RAD51B: variants seen among roughly 807,000 people sequenced by gnomAD.
The protein encoded by RAD51B is DNA repair protein RAD51 homolog 2.
Under a neutral mutation model 42.2 loss-of-function variants are expected in RAD51B, and 38 were observed. That is an observed-to-expected ratio of 0.90 (90% CI 0.70 to 1.18). RAD51B has a LOEUF of 1.18. RAD51B is among the 50% of genes most tolerant of loss of function. RAD51B has a pLI of 0.00. For missense variants in RAD51B, 373 were observed against 400.7 expected (o/e 0.93, Z 0.59); for synonymous variants, 154 against 145.2 (o/e 1.06, Z -0.43).
At chr14:68,186,626 A>C (rs1019767159) in intron 7 of RAD51B, among the ~76,000 whole-genome samples, 5 of 152,210 alleles carry the variant, frequency 3.3e-5, no homozygotes, top group African/African-American at 7.2e-5. Context: ...ACTTATTATC[A>C]CTAATCATCA....
intron 7 of RAD51B, among the ~76,000 whole-genome samples, chr14:67,930,024 T>C (rs919390269): frequency 6.6e-6 from 1 of 152,180 alleles, no homozygotes; most frequent in Non-Finnish European, 1.5e-5. Flanking sequence ...CTGCTCACTT[T>C]TGGTTTCCGT....
At chr14:68,047,920 A>G (rs2076328983) in intron 7 of RAD51B, among the ~76,000 whole-genome samples, 1 of 152,166 alleles carries the variant, frequency 6.6e-6, no homozygotes, top group Admixed American at 6.5e-5. Flanking sequence ...TAAAAAATGA[A>G]ATATTTTTAA....
intron 10 of RAD51B, among the ~76,000 whole-genome samples, chr14:68,553,270 A>G (rs1021259085): frequency 3.9e-5 from 6 of 152,216 alleles, no homozygotes; most frequent in Non-Finnish European, 4.4e-5. Context: ...TTCTTTATCC[A>G]TAAATCTTTT....
chr14:68,160,159 TACTC>T (rs1192610249), intron 7 of RAD51B, among the ~76,000 whole-genome samples: 1 of 152,308 alleles, frequency 6.6e-6, no homozygotes, highest in Non-Finnish European at 1.5e-5. Context: ...AAATGTAACA[TACTC>T]ACTGTGATTT....
At chr14:68,000,089 A>G (rs1321841310) in intron 7 of RAD51B, among the ~76,000 whole-genome samples, 2 of 152,190 alleles carry the variant, frequency 1.3e-5, no homozygotes, top group Non-Finnish European at 2.9e-5. Context: ...CTAACCCCAT[A>G]GTAAAAGTAT....
intron 8 of RAD51B, among the ~76,000 whole-genome samples, chr14:68,360,953 C>T (rs1319480284): frequency 6.6e-6 from 1 of 152,150 alleles, no homozygotes; most frequent in African/African-American, 2.4e-5. Context: ...TATAGCATTC[C>T]TTCCTCCAGG....
At chr14:68,009,196 TA>T (rs1262283954) in intron 7 of RAD51B, among the ~76,000 whole-genome samples, 1 of 151,906 alleles carries the variant, frequency 6.6e-6, no homozygotes, top group Non-Finnish European at 1.5e-5. Context: ...TCATACTGAT[TA>T]GGGGTGTAAC....
At chr14:68,562,093 G>T (rs1301170890) in intron 10 of RAD51B, 1 of 985,292 alleles carries the variant, frequency 1.0e-6, no homozygotes, top group Non-Finnish European at 1.2e-6. Flanking sequence ...GTCCTAGAAA[G>T]CTTTTGGTTT....
intron 7 of RAD51B, among the ~76,000 whole-genome samples, chr14:68,052,308 C>T (rs899372313): frequency 3.3e-5 from 5 of 151,948 alleles, no homozygotes; most frequent in Non-Finnish European, 7.4e-5. Context: ...TAATAACTAA[C>T]ATTTAATATA....
intron 4 of RAD51B, among the ~76,000 whole-genome samples, chr14:67,843,898 G>A (rs549382620): frequency 6.6e-6 from 1 of 151,720 alleles, no homozygotes; most frequent in Non-Finnish European, 1.5e-5. Context: ...TAGCTTTGGG[G>A]TTGGTTTGCT....
intron 7 of RAD51B, among the ~76,000 whole-genome samples, chr14:68,141,853 T>C (rs1045981159): frequency 2.0e-5 from 3 of 152,132 alleles, no homozygotes; most frequent in Non-Finnish European, 1.5e-5. Flanking sequence ...TTATCTCAGG[T>C]GTCATCTTCT....
intron 8 of RAD51B, among the ~76,000 whole-genome samples, chr14:68,364,540 C>T (rs1276010507): frequency 6.6e-6 from 1 of 152,176 alleles, no homozygotes; most frequent in Non-Finnish European, 1.5e-5. Context: ...TCCCCCAGCC[C>T]CTTCCACTCT....
Position 67,911,983 on chromosome 14 carries a change from A to C in RAD51B, c.756+24779A>C, listed in dbSNP as rs572782513. ...TGTCATCCCCCTGCTATAGCTGTGTATATGATAGCATGAAGAAATTAAATC... is the reference window on the plus strand; with the variant it reads ...TGTCATCCCCCTGCTATAGCTGTGTCTATGATAGCATGAAGAAATTAAATC... On this transcript the variant is annotated intron_variant, in intron 7 of 10. Transcript: ENST00000471583. Among the ~76,000 whole-genome samples, 170 of 152,362 alleles carry C rather than the reference A, an allele frequency of 1.1e-3. 1 individual carries two copies. In the Middle Eastern group the frequency reaches 0.031, roughly 27 times the overall value.
intron 7 of RAD51B, among the ~76,000 whole-genome samples, chr14:68,194,663 T>C (rs1275936545): frequency 6.6e-6 from 1 of 152,222 alleles, no homozygotes; most frequent in Non-Finnish European, 1.5e-5. Context: ...GTAATGTTTA[T>C]AACTGTGATC....
At chr14:67,829,269 G>A (rs1408888993) in intron 3 of RAD51B, among the ~76,000 whole-genome samples, 4 of 150,622 alleles carry the variant, frequency 2.7e-5, no homozygotes, top group African/African-American at 9.8e-5. Context: ...TTGAGACAGA[G>A]TCTTGCTCTG....
intron 11 of RAD51B, among the ~76,000 whole-genome samples, chr14:68,675,880 C>A (rs1016841684): frequency 4.6e-5 from 7 of 152,202 alleles, no homozygotes; most frequent in African/African-American, 1.7e-4. Flanking sequence ...CTGCTTCATT[C>A]AACCTCTCTT....
chr14:68,355,096 T>C (rs1440326850), intron 8 of RAD51B, among the ~76,000 whole-genome samples: 1 of 152,192 alleles, frequency 6.6e-6, no homozygotes, highest in Non-Finnish European at 1.5e-5. Context: ...TGGAGGGATA[T>C]AGGCAGCCGC....
At chr14:68,334,752 T>C (rs1167833358) in intron 8 of RAD51B, among the ~76,000 whole-genome samples, 1 of 152,000 alleles carries the variant, frequency 6.6e-6, no homozygotes, top group Non-Finnish European at 1.5e-5. Flanking sequence ...TTCTTGGTAG[T>C]GGTTGTCACT....
In RAD51B at chr14:68,186,755, C is replaced by T. The variant is rs1208806769; in HGVS notation, c.757-105129C>T. 2.0e-5 allele frequency among the ~76,000 whole-genome samples: 3 copies of T among 152,230 alleles called. No homozygotes were observed. The East Asian group carries it at 5.8e-4, about 29-fold the overall frequency. ...TGCAGAGAAAAGGAATGCATGTACA[C>T]TGTTGGTGGGAATGTAAATTATTTC... On this transcript the variant is annotated intron_variant, in intron 7 of 10. Transcript: ENST00000471583.
Sources: allele counts gnomAD v4.1 joint callset (sites outside exome capture counted in the v4.1 genomes callset), GRCh38; gene constraint gnomAD v4.1.1; transcripts MANE v1.5; gene names NCBI Gene and HGNC (gene_info 2026-07-23, HGNC 2026-07-21).